RB1CC1: variants seen among roughly 807,000 people sequenced by gnomAD.
The protein encoded by RB1CC1 is RB1 inducible coiled-coil 1.
RB1CC1 carries 46 observed loss-of-function variants against 177.5 expected under a neutral mutation model. The ratio of observed to expected loss-of-function variants is 0.26; its 90% CI spans 0.20 to 0.33. The LOEUF is 0.33. Among genes scored for constraint, RB1CC1 ranks in the 10% least tolerant of loss-of-function variants. The pLI, the probability that RB1CC1 is intolerant of heterozygous loss-of-function variation, is 1.00. For missense variants in RB1CC1, 1,703 were observed against 1,816.3 expected, an observed-to-expected ratio of 0.94 and a Z score of 1.13; for synonymous variants, 666 against 613.6, an observed-to-expected ratio of 1.09 and a Z score of -1.26.
In RB1CC1 at chr8:52,678,784, G is replaced by C. The variant is rs548295450; in HGVS notation, c.370-2213C>G. On this transcript the variant is annotated intron_variant, in intron 5 of 23. Coordinates refer to ENST00000025008, the MANE Select transcript of RB1CC1 (RefSeq NM_014781.5). ...TTTCTGGAAGTACAATGATATGAAT[G>C]TAAAGAGCACTGGCCTTGGAGAAAA... Among the ~76,000 whole-genome samples the C allele has an allele frequency of 7.2e-5, 11 of 152,338 alleles. No individual in the cohort carries two copies. The East Asian group carries it at 2.1e-3, about 29-fold the overall frequency.
At position 52,657,238 on chromosome 8, in the gene RB1CC1, T is replaced by C. The variant is rs764896044; in HGVS notation, c.2591A>G (p.Gln864Arg). The C allele has an allele frequency of 8.8e-6, 14 of 1,594,598 alleles. No homozygotes were observed. Among genetic ancestry groups the C allele is most frequent in the African/African-American group, 1.3e-5 (1 of 74,122 alleles). ...SLEITLKEKH[Q>R]KELLSLKNEY... ...ATTTTTTAAAGACAGTAGTTCTTTT[T>C]GATGTTTTTCTTTTAGTGTTATTTC... The change falls in exon 15 of 24, where the codon CAA becomes CGA. Residue 864 changes from glutamine (Q) to arginine (R), a missense_variant. By Grantham distance (43) the Gln-to-Arg change is conservative. Transcript: ENST00000025008.
chr8:52,704,399 G>A (rs1206825604), intron 1 of RB1CC1, among the ~76,000 whole-genome samples: 1 of 150,048 alleles, frequency 6.7e-6, no homozygotes. Flanking sequence ...TATGAAGAGA[G>A]GTATGCAAAA....
chr8:52,680,156 A>G (rs1853564359), intron 5 of RB1CC1, among the ~76,000 whole-genome samples: 1 of 152,208 alleles, frequency 6.6e-6, no homozygotes, highest in African/African-American at 2.4e-5. Flanking sequence ...AAAAAGAATT[A>G]AAAGTAAAAA....
chr8:52,680,635 G>C (rs564397534), intron 5 of RB1CC1, among the ~76,000 whole-genome samples: 2 of 152,002 alleles, frequency 1.3e-5, no homozygotes, highest in African/African-American at 4.8e-5. Context: ...TTGAACACTG[G>C]AAACAATCTC....
At chr8:52,640,003 A>G (rs1471476776) in intron 18 of RB1CC1, among the ~76,000 whole-genome samples, 2 of 152,166 alleles carry the variant, frequency 1.3e-5, no homozygotes, top group South Asian at 2.1e-4. Flanking sequence ...ATTTATCCCA[A>G]TATCTACTAA....
chr8:52,645,214 A>G (rs530554866), intron 16 of RB1CC1, among the ~76,000 whole-genome samples: 10 of 152,348 alleles, frequency 6.6e-5, no homozygotes, highest in South Asian at 2.1e-4. Context: ...TATCAGAAGG[A>G]TAAGAATTAC....
At position 52,630,457 on chromosome 8, in the gene RB1CC1, C is replaced by T; in HGVS notation, c.4499+13G>A. On this transcript the variant is annotated intron_variant, in intron 21 of 23. Transcript: ENST00000025008. ...TTTTCACAGAAAAATACTCACAAAA[C>T]TAAAATACTTACTCTCTAATAGCTA... 6.4e-7 allele frequency: 1 copy of T among 1,564,872 alleles called. No individual in the cohort carries two copies. The highest frequency in any genetic ancestry group is 2.3e-5 in the East Asian group (1 of 42,724).
intron 1 of RB1CC1, among the ~76,000 whole-genome samples, chr8:52,688,671 T>C (rs1854516680): frequency 6.6e-6 from 1 of 152,186 alleles, no homozygotes; most frequent in African/African-American, 2.4e-5. Flanking sequence ...TAGACTCTTA[T>C]TAGTTCTGCT....
At chr8:52,650,732 A>G (rs1008588438) in intron 15 of RB1CC1, among the ~76,000 whole-genome samples, 1 of 152,212 alleles carries the variant, frequency 6.6e-6, no homozygotes, top group Non-Finnish European at 1.5e-5. Flanking sequence ...GCAAAATAGA[A>G]CACTGGAAAA....
Position 52,714,195 on chromosome 8 carries a change from G to GACACA in RB1CC1, c.-292_-288dup, listed in dbSNP as rs1263690255. On this transcript the variant is annotated 5_prime_UTR_variant, in exon 1 of 24. Transcript: ENST00000025008. ...ACCGCCCATTCGGCACCGCTAAGCC[G>GACACA]ACACAACCGCCGGCGTCCCGGGCGC... 2 of 226,466 alleles carry GACACA rather than the reference G, an allele frequency of 8.8e-6. No homozygotes were observed. The highest frequency in any genetic ancestry group is 1.8e-5 in the Non-Finnish European group (2 of 108,164). 14.0% of individuals were successfully genotyped at this position (226,466 alleles called of 1,614,324 possible).
At position 52,657,851 on chromosome 8, in the gene RB1CC1, C is replaced by T. The variant is rs746545728; in HGVS notation, c.1978G>A (p.Ala660Thr). The T allele has an allele frequency of 6.2e-7, 1 of 1,613,986 alleles. No homozygotes were observed. The highest frequency in any genetic ancestry group is 1.1e-5 in the South Asian group (1 of 91,058). Residue 660 changes from alanine (A) to threonine (T), a missense_variant, in exon 15 of 24, where the codon GCA becomes ACA. Around this residue, in one of 6 missense-constraint regions of RB1CC1, gnomAD observed 1,169 missense variants for 1,184.7 expected, o/e 0.99. Coordinates refer to ENST00000025008, the MANE Select transcript of RB1CC1 (RefSeq NM_014781.5). ...SASSPRMEST[A>T]GITTTTSPRT... is the part of the protein sequence containing the mutation. ...GGTGAGGTAGTAGTTGTAATTCCTG[C>T]TGTACTTTCCATCCTTGGTGAAGAA...
At position 52,656,049 on chromosome 8, in the gene RB1CC1, T is replaced by C. The variant is rs1192981583; in HGVS notation, c.3780A>G (p.Leu1260=). 1.2e-6 allele frequency: 2 copies of C among 1,611,698 alleles called. No individual in the cohort carries two copies. Among genetic ancestry groups the C allele is most frequent in the South Asian group, 1.1e-5 (1 of 90,574 alleles). ...TCTCAAGATGTTTAACTTTTTCTAA[T>C]AACTCTTTCTCAACAACTTCTCTCT... ...KLEREVVEKE[L]LEKVKHLENQ... The change falls in exon 15 of 24, where the codon TTA becomes TTG. Residue 1260 remains leucine, a synonymous_variant. Coordinates refer to ENST00000025008, the MANE Select transcript of RB1CC1 (RefSeq NM_014781.5).
rs1157725328 is a variant in RB1CC1 at position 52,698,706 on chromosome 8, T to G, written c.-166-11739A>C. ...TTTTTTTTTTTTTTTTTTTTTTTTT[T>G]TTTTTTTTTTTTTTTTTTTTTGAGA... On this transcript the variant is annotated intron_variant, in intron 1 of 23. Transcript: ENST00000025008. 6.8e-5 allele frequency among the ~76,000 whole-genome samples: 4 copies of G among 58,750 alleles called. 1 individual carries two copies. Among genetic ancestry groups the G allele is most frequent in the South Asian group, 6.6e-4 (1 of 1,516 alleles). The allele number at this position is 58,750 out of a possible 152,430, so 38.5% of individuals were successfully genotyped here.
rs1360417968 is a variant in RB1CC1, at chr8:52,713,625, C to A, written c.-167+450G>T. On this transcript the variant is annotated intron_variant, in intron 1 of 23. Coordinates refer to ENST00000025008, the MANE Select transcript of RB1CC1 (RefSeq NM_014781.5). ...AACTCCACTCTCCCGTTTCTCGAGT[C>A]CAACACAGAATTAAGGGCTGATCCC... Among the ~76,000 whole-genome samples, 2 of 152,194 alleles carry A rather than the reference C, an allele frequency of 1.3e-5. 1 individual carries two copies. The highest frequency in any genetic ancestry group is 1.3e-4 in the Admixed American group (2 of 15,284).
At chr8:52,674,903 A>G (rs974156238) in intron 6 of RB1CC1, among the ~76,000 whole-genome samples, 1 of 152,222 alleles carries the variant, frequency 6.6e-6, no homozygotes, top group African/African-American at 2.4e-5. Context: ...CTTAGAATAT[A>G]ACCTTATGGC....
At chr8:52,664,457 GA>G (rs1851891758) in intron 8 of RB1CC1, among the ~76,000 whole-genome samples, 1 of 152,050 alleles carries the variant, frequency 6.6e-6, no homozygotes, top group African/African-American at 2.4e-5. Flanking sequence ...AGAAAGAAAA[GA>G]TATTTTCTAA....
chr8:52,698,600 C>T (rs1855676661), intron 1 of RB1CC1, among the ~76,000 whole-genome samples: 1 of 145,818 alleles, frequency 6.9e-6, no homozygotes, highest in Admixed American at 6.9e-5. Flanking sequence ...GTGTGAGCCA[C>T]TGCGCCTGGC....
At chr8:52,645,430 C>T (rs1259622465) in intron 16 of RB1CC1, among the ~76,000 whole-genome samples, 4 of 152,106 alleles carry the variant, frequency 2.6e-5, no homozygotes, top group Admixed American at 1.3e-4. Flanking sequence ...TACATTCCCT[C>T]GCTTCTAATC....
chr8:52,672,085 G>C (rs1185739124), intron 7 of RB1CC1, among the ~76,000 whole-genome samples: 2 of 152,152 alleles, frequency 1.3e-5, no homozygotes, highest in African/African-American at 4.8e-5. Context: ...AAAAGTGATT[G>C]CTTAGTAATA....
Sources: allele counts gnomAD v4.1 joint callset (sites outside exome capture counted in the v4.1 genomes callset), GRCh38; gene constraint gnomAD v4.1.1; regional missense constraint gnomAD v4.1.1; transcripts MANE v1.5; gene names NCBI Gene and HGNC (gene_info 2026-07-23, HGNC 2026-07-21).